FSTL4: variants seen among roughly 807,000 people sequenced by gnomAD.
The protein encoded by FSTL4 is follistatin like 4.
FSTL4 carries 28 observed loss-of-function variants against 78.2 expected under a neutral mutation model. The observed-to-expected ratio is 0.36, with a 90% CI of 0.27 to 0.49. The LOEUF is 0.49. Among genes scored for constraint, FSTL4 ranks in the 20% least tolerant of loss-of-function variants. The pLI, the probability that FSTL4 is intolerant of heterozygous loss-of-function variation, is 0.98. For synonymous variants in FSTL4, 422 were observed against 440.5 expected (o/e 0.96, Z 0.53); for missense variants, 922 against 1,084.9 (o/e 0.85, Z 2.11).
intron 2 of FSTL4, among the ~76,000 whole-genome samples, chr5:133,580,328 G>A (rs1369599801): frequency 6.6e-6 from 1 of 152,104 alleles, no homozygotes; most frequent in East Asian, 1.9e-4. Context: ...AGGTCTCTCA[G>A]CAGAGCTCTT....
the FSTL4 span, among the ~76,000 whole-genome samples, chr5:133,686,144 G>A: frequency 6.6e-6 from 1 of 152,164 alleles, no homozygotes; most frequent in African/African-American, 2.4e-5. Context: ...CTATGACAAA[G>A]CTGTCATCCC....
intron 3 of FSTL4, among the ~76,000 whole-genome samples, chr5:133,454,692 T>C (rs1031030549): frequency 2.0e-5 from 3 of 152,240 alleles, no homozygotes; most frequent in African/African-American, 7.2e-5. Flanking sequence ...TGCCCCGCTC[T>C]GTGATAAGCC....
At chr5:133,384,662 C>T (rs934357160) in intron 4 of FSTL4, among the ~76,000 whole-genome samples, 1 of 152,190 alleles carries the variant, frequency 6.6e-6, no homozygotes, top group African/African-American at 2.4e-5. Flanking sequence ...TCCTGCTGGG[C>T]CCCTGCCTCC....
At chr5:133,593,397 TG>T (rs1181524723) in intron 2 of FSTL4, among the ~76,000 whole-genome samples, 1 of 151,976 alleles carries the variant, frequency 6.6e-6, no homozygotes, top group Non-Finnish European at 1.5e-5. Flanking sequence ...GGATAAGTTT[TG>T]GGAGGGAGTG....
chr5:133,727,163 T>A, the FSTL4 span, among the ~76,000 whole-genome samples: 21 of 152,200 alleles, frequency 1.4e-4, no homozygotes, highest in South Asian at 4.4e-3. Flanking sequence ...TGTTCAGAAG[T>A]AGCAGGACAG....
At chr5:133,691,645 T>C in the FSTL4 span, among the ~76,000 whole-genome samples, 1 of 152,122 alleles carries the variant, frequency 6.6e-6, no homozygotes, top group African/African-American at 2.4e-5. Flanking sequence ...TATTCATCCC[T>C]GTAGGACTGA....
chr5:133,504,183 A>G (rs1758564821), intron 3 of FSTL4, among the ~76,000 whole-genome samples: 1 of 152,044 alleles, frequency 6.6e-6, no homozygotes. Context: ...AACCGTATCA[A>G]TCATTTACCC....
At chr5:133,580,676 C>T (rs1259237561) in intron 2 of FSTL4, among the ~76,000 whole-genome samples, 1 of 152,200 alleles carries the variant, frequency 6.6e-6, no homozygotes, top group South Asian at 2.1e-4. Flanking sequence ...TACTTCAATA[C>T]CCAATCTGAG....
intron 4 of FSTL4, among the ~76,000 whole-genome samples, chr5:133,381,158 C>T (rs748139046): frequency 1.1e-4 from 17 of 152,102 alleles, no homozygotes; most frequent in African/African-American, 1.7e-4. Flanking sequence ...CTAGAGTACA[C>T]GCTAGAGGAA....
chr5:133,326,552 G>T (rs577488334), intron 4 of FSTL4, among the ~76,000 whole-genome samples: 1 of 152,194 alleles, frequency 6.6e-6, no homozygotes, highest in African/African-American at 2.4e-5. Flanking sequence ...CCCTCCCAGT[G>T]GTCCCAGTCT....
At chr5:133,227,851 C>A (rs1274905191) in intron 8 of FSTL4, among the ~76,000 whole-genome samples, 1 of 152,090 alleles carries the variant, frequency 6.6e-6, no homozygotes, top group African/African-American at 2.4e-5. Flanking sequence ...AAAAAGAACA[C>A]AGAAGGGATT....
chr5:133,653,502 A>G, the FSTL4 span, among the ~76,000 whole-genome samples: 1 of 152,180 alleles, frequency 6.6e-6, no homozygotes, highest in African/African-American at 2.4e-5. Flanking sequence ...CCTGCCTAGC[A>G]TCTTCTTCCT....
At chr5:133,279,052 C>T (rs527721690) in intron 6 of FSTL4, among the ~76,000 whole-genome samples, 27 of 152,368 alleles carry the variant, frequency 1.8e-4, no homozygotes, top group Admixed American at 8.5e-4. Context: ...AACTCAAATG[C>T]TGCTGTGAAG....
chr5:133,616,289 C>A (rs1475993901), upstream of FSTL4, among the ~76,000 whole-genome samples: 1 of 149,702 alleles, frequency 6.7e-6, no homozygotes, highest in Non-Finnish European at 1.5e-5. Flanking sequence ...AGTATAGAAT[C>A]ATAAATAATG....
intron 3 of FSTL4, among the ~76,000 whole-genome samples, chr5:133,468,665 C>T (rs1757759460): frequency 6.6e-6 from 1 of 152,182 alleles, no homozygotes; most frequent in Non-Finnish European, 1.5e-5. Context: ...CACACCCCAG[C>T]CTAAGGTCCA....
At chr5:133,312,593 A>G in intron 6 of FSTL4, 61 bp downstream of exon 6, 9 of 1,537,354 alleles carry the variant, frequency 5.9e-6, no homozygotes, top group African/African-American at 1.4e-5. Context: ...GGCACCCAAC[A>G]GCATTTTGGT....
intron 6 of FSTL4, among the ~76,000 whole-genome samples, chr5:133,311,928 C>T (rs1037369697): frequency 2.0e-5 from 3 of 152,210 alleles, no homozygotes; most frequent in South Asian, 2.1e-4. Context: ...CCTTTCCTCT[C>T]CTCTCTGCTG....
chr5:133,462,765 C>T (rs749841712), intron 3 of FSTL4, among the ~76,000 whole-genome samples: 2 of 152,176 alleles, frequency 1.3e-5, no homozygotes, highest in Non-Finnish European at 1.5e-5. Context: ...AGGAAGCCGG[C>T]GCTTGATACT....
At chr5:133,350,150 C>T (rs987519331) in intron 4 of FSTL4, among the ~76,000 whole-genome samples, 3 of 150,412 alleles carry the variant, frequency 2.0e-5, no homozygotes, top group Non-Finnish European at 4.4e-5. Flanking sequence ...ATAGGATGGA[C>T]TTTATGTTTG....
Sources: allele counts gnomAD v4.1 joint callset (sites outside exome capture counted in the v4.1 genomes callset), GRCh38; gene constraint gnomAD v4.1.1; transcripts MANE v1.5; gene names NCBI Gene and HGNC (gene_info 2026-07-23, HGNC 2026-07-21).